The following ZFHX3 variants were observed in gnomAD, a reference collection of about 807,000 sequenced individuals.
ZFHX3 encodes the protein zinc finger homeobox 3.
Under a neutral mutation model 279.1 loss-of-function variants are expected in ZFHX3, and 42 were observed. That is an observed-to-expected ratio of 0.15 (90% CI 0.12 to 0.19). The LOEUF (loss-of-function observed/expected upper bound fraction) is 0.19, where lower values mean the gene tolerates loss of function less well. Ranked by LOEUF, ZFHX3 falls within the 10% of genes least tolerant of loss-of-function variation. The pLI is 1.00. For synonymous variants in ZFHX3, 2,293 were observed against 1,957.8 expected (o/e 1.17, Z -4.52); for missense variants, 4,981 against 4,754.0 (o/e 1.05, Z -1.40).
intron 2 of ZFHX3, among the ~76,000 whole-genome samples, chr16:73,525,737 G>T (rs549913286): frequency 6.6e-6 from 1 of 152,308 alleles, no homozygotes; most frequent in South Asian, 2.1e-4. Flanking sequence ...AGAGACCAAG[G>T]AAGGGTTCAG....
chr16:73,788,016 A>C (rs1959705829), intron 1 of ZFHX3, among the ~76,000 whole-genome samples: 2 of 152,114 alleles, frequency 1.3e-5, no homozygotes, highest in Non-Finnish European at 2.9e-5. Context: ...AGCTGAGTTT[A>C]AGGAAACCCA....
intron 2 of ZFHX3, among the ~76,000 whole-genome samples, chr16:73,540,675 T>C (rs759776855): frequency 1.3e-5 from 2 of 152,232 alleles, no homozygotes; most frequent in Non-Finnish European, 2.9e-5. Context: ...ATAATACCAG[T>C]CTGAAAATCA....
intron 3 of ZFHX3, among the ~76,000 whole-genome samples, chr16:73,412,019 A>G (rs551996333): frequency 6.6e-6 from 1 of 152,290 alleles, no homozygotes; most frequent in South Asian, 2.1e-4. Context: ...CAGTCTTCCA[A>G]AGACTTTCCA....
intron 1 of ZFHX3, among the ~76,000 whole-genome samples, chr16:73,732,670 C>A (rs1235234709): frequency 6.6e-6 from 1 of 152,186 alleles, no homozygotes; most frequent in African/African-American, 2.4e-5. Context: ...GAAAAATGAC[C>A]AGTGTTAGCC....
At chr16:73,490,593 TTTGGGAGG>T (rs1479418549) in intron 2 of ZFHX3, among the ~76,000 whole-genome samples, 2 of 152,174 alleles carry the variant, frequency 1.3e-5, no homozygotes, top group Non-Finnish European at 2.9e-5. Flanking sequence ...ATCCCAGCAC[TTTGGGAGG>T]TTGAGGCAGG....
At chr16:73,359,700 G>C (rs754032050) in intron 3 of ZFHX3, among the ~76,000 whole-genome samples, 1 of 152,220 alleles carries the variant, frequency 6.6e-6, no homozygotes, top group Middle Eastern at 3.2e-3. Context: ...CTCTGGAAGT[G>C]GGTGAGTCTG....
intron 7 of ZFHX3, among the ~76,000 whole-genome samples, chr16:73,113,846 G>T (rs1943862366): frequency 7.5e-6 from 1 of 133,992 alleles, no homozygotes. Flanking sequence ...CCAGGCTGGA[G>T]TGCAGTGGCG....
intron 1 of ZFHX3, among the ~76,000 whole-genome samples, chr16:73,768,851 C>T (rs2053984183): frequency 6.6e-6 from 1 of 152,092 alleles, no homozygotes; most frequent in Non-Finnish European, 1.5e-5. Flanking sequence ...GAAAGCTGTA[C>T]TCATACAAGC....
intron 2 of ZFHX3, among the ~76,000 whole-genome samples, chr16:73,605,498 C>T (rs2052168110): frequency 6.6e-6 from 1 of 152,182 alleles, no homozygotes; most frequent in Non-Finnish European, 1.5e-5. Context: ...GGATTCCAGG[C>T]ATAGCTGGCA....
chr16:73,716,833 C>T (rs1195460052), intron 1 of ZFHX3, among the ~76,000 whole-genome samples: 2 of 151,992 alleles, frequency 1.3e-5, no homozygotes, highest in Non-Finnish European at 2.9e-5. Flanking sequence ...GATGCCTCAC[C>T]GTCCCTACTC....
intron 5 of ZFHX3, 120 bp downstream of exon 5, chr16:72,829,659 G>T: frequency 9.5e-7 from 1 of 1,056,172 alleles, no homozygotes; most frequent in Non-Finnish European, 1.4e-6. Context: ...CTTTTTCTGG[G>T]CAGACTAAGG....
intron 7 of ZFHX3, among the ~76,000 whole-genome samples, chr16:73,117,666 A>G (rs182059598): frequency 5.9e-5 from 9 of 152,376 alleles, no homozygotes; most frequent in East Asian, 1.9e-4. Context: ...GCCTCCTGCT[A>G]TAGACCCAAT....
intron 3 of ZFHX3, among the ~76,000 whole-genome samples, chr16:73,410,158 G>A (rs941344432): frequency 2.6e-5 from 4 of 152,224 alleles, no homozygotes; most frequent in African/African-American, 7.2e-5. Flanking sequence ...GCTCACACCT[G>A]TAATCCCAGC....
At chr16:73,312,657 C>T (rs912593951) in intron 4 of ZFHX3, among the ~76,000 whole-genome samples, 1 of 152,144 alleles carries the variant, frequency 6.6e-6, no homozygotes. Context: ...ATGCTTCACA[C>T]GCTCTGTCCA....
At chr16:73,257,447 G>A (rs1048739561) in intron 4 of ZFHX3, among the ~76,000 whole-genome samples, 2 of 152,228 alleles carry the variant, frequency 1.3e-5, no homozygotes, top group African/African-American at 2.4e-5. Flanking sequence ...CATGGGATAT[G>A]AAGCTCTGAG....
At chr16:73,038,222 T>C (rs995393202) in intron 1 of ZFHX3, among the ~76,000 whole-genome samples, 8 of 152,114 alleles carry the variant, frequency 5.3e-5, no homozygotes, top group African/African-American at 1.9e-4. Context: ...GGATATTGAC[T>C]CCCCCACCCC....
chr16:73,533,740 CT>C (rs1411615959), intron 2 of ZFHX3, among the ~76,000 whole-genome samples: 4 of 152,166 alleles, frequency 2.6e-5, no homozygotes, highest in Non-Finnish European at 5.9e-5. Flanking sequence ...AACTTCATCC[CT>C]CCATTTGCTC....
intron 2 of ZFHX3, among the ~76,000 whole-genome samples, chr16:73,585,460 C>T (rs1024785616): frequency 6.6e-6 from 1 of 152,008 alleles, no homozygotes; most frequent in Non-Finnish European, 1.5e-5. Context: ...GAGGTGGGGG[C>T]AGGGAGAGCA....
At chr16:73,556,015 T>G (rs1199608581) in intron 2 of ZFHX3, among the ~76,000 whole-genome samples, 1 of 152,122 alleles carries the variant, frequency 6.6e-6, no homozygotes, top group Non-Finnish European at 1.5e-5. Flanking sequence ...CACAGTGTTT[T>G]CTGTGATGTG....
Sources: gnomAD v4.1 joint callset for allele counts (sites outside exome capture counted in the v4.1 genomes callset) on GRCh38, gnomAD v4.1.1 for gene constraint, MANE v1.5 for transcripts, NCBI Gene and HGNC (gene_info 2026-07-23, HGNC 2026-07-21) for gene names.